CADM2: variants seen among roughly 807,000 people sequenced by gnomAD.
CADM2 encodes the protein cell adhesion molecule 2.
CADM2 carries 12 observed loss-of-function variants against 49.8 expected under a neutral mutation model. That is an observed-to-expected ratio of 0.24 (90% CI 0.15 to 0.39). CADM2 has a LOEUF of 0.39. CADM2 is among the 10% of genes least tolerant of loss of function. The pLI is 1.00. For synonymous variants in CADM2, 214 were observed against 175.4 expected (o/e 1.22, Z -1.74); for missense variants, 378 against 492.3 (o/e 0.77, Z 2.20).
intron 8 of CADM2, among the ~76,000 whole-genome samples, chr3:85,975,917 T>G (rs1726718712): frequency 6.6e-6 from 1 of 151,598 alleles, no homozygotes; most frequent in African/African-American, 2.4e-5. Flanking sequence ...TTGGTGTCTG[T>G]GTTCAAATAT....
At chr3:85,864,253 A>G (rs2108331445) in intron 3 of CADM2, among the ~76,000 whole-genome samples, 1 of 152,274 alleles carries the variant, frequency 6.6e-6, no homozygotes, top group African/African-American at 2.4e-5. Context: ...TGCATTGATT[A>G]CTTTTTCTGT....
At position 85,870,902 on chromosome 3, in the gene CADM2, T is replaced by A. The variant is rs187950391; in HGVS notation, c.239-12389T>A. Among the ~76,000 whole-genome samples, 509 of 152,222 alleles carry A rather than the reference T, an allele frequency of 3.3e-3. 1 individual carries two copies. The highest frequency in any genetic ancestry group is 0.01 in the Admixed American group (154 of 15,294). On this transcript the variant is annotated intron_variant, in intron 3 of 9. Transcript: ENST00000383699. The stretch of plus-strand genomic sequence containing the variant: ...TACAAAAAAATCAACTCAAGATGGA[T>A]TAAAGGCTTAAATGTAAAACCCAAA...
intron 1 of CADM2, among the ~76,000 whole-genome samples, chr3:85,120,159 T>C (rs74791096): frequency 1.1e-4 from 17 of 152,296 alleles, no homozygotes; most frequent in African/African-American, 4.1e-4. Context: ...CCAGTTAGAA[T>C]GGCAATCATT....
At chr3:85,311,549 A>G (rs1227700493) in intron 1 of CADM2, among the ~76,000 whole-genome samples, 1 of 151,302 alleles carries the variant, frequency 6.6e-6, no homozygotes, top group African/African-American at 2.4e-5. Context: ...AATTTTTTGT[A>G]TTTTGTTTAG....
At chr3:85,974,151 C>T (rs1204946472) in intron 8 of CADM2, among the ~76,000 whole-genome samples, 2 of 151,588 alleles carry the variant, frequency 1.3e-5, no homozygotes, top group East Asian at 2.0e-4. Flanking sequence ...CTGCAAAATG[C>T]TTAAAAGCTC....
chr3:85,061,590 C>A (rs898885115), intron 1 of CADM2, among the ~76,000 whole-genome samples: 3 of 152,056 alleles, frequency 2.0e-5, no homozygotes, highest in African/African-American at 7.2e-5. Context: ...TAACTGACAG[C>A]CTGTGAACCA....
intron 1 of CADM2, among the ~76,000 whole-genome samples, chr3:85,552,270 A>T (rs1393006862): frequency 6.6e-6 from 1 of 151,498 alleles, no homozygotes; most frequent in Non-Finnish European, 1.5e-5. Flanking sequence ...GGTCTATGAC[A>T]TTTGACTATG....
intron 3 of CADM2, among the ~76,000 whole-genome samples, chr3:85,875,121 T>C (rs1480375540): frequency 6.6e-6 from 1 of 152,148 alleles, no homozygotes; most frequent in Non-Finnish European, 1.5e-5. Context: ...GGAGCAATGG[T>C]TGTCTTTACC....
Position 85,726,515 on chromosome 3 carries a change from G to A in CADM2, c.62-7G>A, listed in dbSNP as rs143903592. The A allele has an allele frequency of 1.6e-5, 26 of 1,612,022 alleles. No individual in the cohort carries two copies. The African/African-American group carries it at 2.9e-4, about 18-fold the overall frequency. On this transcript the variant is annotated splice_polypyrimidine_tract_variant and splice_region_variant and intron_variant, in intron 1 of 9. Coordinates refer to ENST00000383699, the MANE Select transcript of CADM2 (RefSeq NM_001167675.2). Reference sequence around the variant, plus strand: ...TCTCTTCTTGTGCAACCTTTCCTTGGTACCAGCGGCTGCTTCAAAGAATAA... The same window carrying A: ...TCTCTTCTTGTGCAACCTTTCCTTGATACCAGCGGCTGCTTCAAAGAATAA...
intron 1 of CADM2, among the ~76,000 whole-genome samples, chr3:85,081,528 A>G (rs947849874): frequency 9.2e-5 from 14 of 152,206 alleles, no homozygotes; most frequent in African/African-American, 3.4e-4. Flanking sequence ...CTTTTTCTAC[A>G]CTTTGTGGAT....
At chr3:85,156,053 A>C (rs1363907598) in intron 1 of CADM2, among the ~76,000 whole-genome samples, 1 of 152,204 alleles carries the variant, frequency 6.6e-6, no homozygotes. Context: ...CTAACATCAC[A>C]ATTAAAAGAA....
chr3:85,441,638 T>G (rs1251691208), intron 1 of CADM2, among the ~76,000 whole-genome samples: 2 of 152,100 alleles, frequency 1.3e-5, no homozygotes, highest in African/African-American at 2.4e-5. Flanking sequence ...CAGTATTGCC[T>G]AAGTTCCAGG....
chr3:85,351,822 CTG>C (rs2031379635), intron 1 of CADM2, among the ~76,000 whole-genome samples: 1 of 152,060 alleles, frequency 6.6e-6, no homozygotes, highest in African/African-American at 2.4e-5. Context: ...TTAAGGGAGA[CTG>C]TATAAGAACT....
At chr3:85,858,312 G>A (rs907342609) in intron 3 of CADM2, among the ~76,000 whole-genome samples, 8 of 152,250 alleles carry the variant, frequency 5.3e-5, no homozygotes, top group Non-Finnish European at 5.9e-5. Flanking sequence ...TTGTTTATCC[G>A]ATTATATTAC....
At chr3:85,760,920 T>C (rs1443362317) in intron 2 of CADM2, among the ~76,000 whole-genome samples, 1 of 152,196 alleles carries the variant, frequency 6.6e-6, no homozygotes, top group Non-Finnish European at 1.5e-5. Context: ...ACCCTTTAAA[T>C]ATTGTGAACA....
At chr3:85,820,458 T>C (rs2073483374) in intron 3 of CADM2, among the ~76,000 whole-genome samples, 1 of 152,142 alleles carries the variant, frequency 6.6e-6, no homozygotes, top group South Asian at 2.1e-4. Flanking sequence ...ATGAGGATGA[T>C]GAGAATAGAT....
At chr3:85,861,680 T>C (rs1486258950) in intron 3 of CADM2, among the ~76,000 whole-genome samples, 1 of 152,124 alleles carries the variant, frequency 6.6e-6, no homozygotes, top group Non-Finnish European at 1.5e-5. Context: ...TTGATGGTGA[T>C]AGTAATAAGA....
chr3:85,078,686 CT>C (rs575758969), intron 1 of CADM2, among the ~76,000 whole-genome samples: 25 of 148,532 alleles, frequency 1.7e-4, no homozygotes, highest in Non-Finnish European at 2.6e-4. Context: ...TTCTTTCTTT[CT>C]TTTTTTTTTC....
intron 8 of CADM2, 72 bp from the exon 9 acceptor site, chr3:86,065,533 A>T (rs1038035823): frequency 6.9e-7 from 1 of 1,457,984 alleles, no homozygotes; most frequent in Non-Finnish European, 9.3e-7. Flanking sequence ...AAAATAACTC[A>T]TTCTAATGCA....
Sources: allele counts gnomAD v4.1 joint callset (sites outside exome capture counted in the v4.1 genomes callset), GRCh38; gene constraint gnomAD v4.1.1; transcripts MANE v1.5; gene names NCBI Gene and HGNC (gene_info 2026-07-23, HGNC 2026-07-21).